The following ANKRD30B variants were observed in gnomAD, a reference collection of about 807,000 sequenced individuals.
The protein encoded by ANKRD30B is ankyrin repeat domain-containing protein 30B.
A neutral mutation model predicts 202.2 loss-of-function variants in ANKRD30B; 144 were observed. The ratio of observed to expected loss-of-function variants is 0.71; its 90% CI spans 0.62 to 0.82. The LOEUF is 0.82. Among genes scored for constraint, ANKRD30B ranks in the 40% least tolerant of loss-of-function variants. The probability of loss-of-function intolerance (pLI) is 0.00; values close to 1 mark genes in which losing one functional copy is unlikely to be tolerated. For synonymous variants in ANKRD30B, 508 were observed against 561.3 expected (o/e 0.91, Z 1.34); for missense variants, 1,487 against 1,669.1 (o/e 0.89, Z 1.90).
chr18:14,908,131 G>A, the ANKRD30B span, among the ~76,000 whole-genome samples: 2 of 152,182 alleles, frequency 1.3e-5, no homozygotes, highest in Non-Finnish European at 2.9e-5. Context: ...ATGGGAATAA[G>A]CAAAGAGGAG....
rs1383315969 is a variant in ANKRD30B at position 14,800,617 on chromosome 18, C to G, written c.2131+1322C>G. Among the ~76,000 whole-genome samples, 250 of 149,612 alleles carry G rather than the reference C, an allele frequency of 1.7e-3. 3 individuals carry two copies. Among genetic ancestry groups the G allele is most frequent in the African/African-American group, 6.0e-3 (239 of 40,088 alleles). On this transcript the variant is annotated intron_variant, in intron 22 of 43. Coordinates refer to ENST00000690538, the MANE Select transcript of ANKRD30B (RefSeq NM_001367607.2). The stretch of plus-strand genomic sequence containing the variant: ...GGGATTAGAGGCGTGAGCCACCGCG[C>G]CCGGCCCAGAGTCTTTTTACACTAG...
At chr18:14,776,567 A>G (rs1310295616) in intron 9 of ANKRD30B, among the ~76,000 whole-genome samples, 1 of 152,208 alleles carries the variant, frequency 6.6e-6, no homozygotes, top group Non-Finnish European at 1.5e-5. Flanking sequence ...ACAACTTAGA[A>G]TGACTAGCAT....
the ANKRD30B span, among the ~76,000 whole-genome samples, chr18:14,930,475 C>A: frequency 2.0e-5 from 3 of 152,046 alleles, no homozygotes; most frequent in Non-Finnish European, 2.9e-5. Flanking sequence ...GGACTCCATC[C>A]CTGTAAGAAA....
chr18:14,841,550 G>A (rs1394672171), intron 37 of ANKRD30B, among the ~76,000 whole-genome samples: 2 of 152,174 alleles, frequency 1.3e-5, no homozygotes, highest in East Asian at 1.9e-4. Flanking sequence ...TAAAGAAATA[G>A]TAATTACAGA....
At chr18:14,828,027 T>C (rs2081965491) in intron 32 of ANKRD30B, among the ~76,000 whole-genome samples, 1 of 152,046 alleles carries the variant, frequency 6.6e-6, no homozygotes, top group Non-Finnish European at 1.5e-5. Context: ...AGTGTCAGAG[T>C]ATTATGCTTT....
At chr18:14,912,467 C>G in the ANKRD30B span, among the ~76,000 whole-genome samples, 1 of 152,018 alleles carries the variant, frequency 6.6e-6, no homozygotes, top group South Asian at 2.1e-4. Flanking sequence ...GAGATAAATC[C>G]CACCTGATCA....
At chr18:14,920,596 C>T in the ANKRD30B span, among the ~76,000 whole-genome samples, 1 of 152,130 alleles carries the variant, frequency 6.6e-6, no homozygotes, top group African/African-American at 2.4e-5. Context: ...TCTGGGTGTC[C>T]CTGGATTTCC....
chr18:14,940,342 G>A, the ANKRD30B span, among the ~76,000 whole-genome samples: 2 of 152,234 alleles, frequency 1.3e-5, no homozygotes, highest in African/African-American at 4.8e-5. Flanking sequence ...CCTCACTGGA[G>A]CACAGCCAGT....
At chr18:14,805,915 T>C (rs1036749810) in intron 24 of ANKRD30B, among the ~76,000 whole-genome samples, 21 of 150,198 alleles carry the variant, frequency 1.4e-4, no homozygotes, top group Non-Finnish European at 1.5e-5. Flanking sequence ...GATTAGCTTG[T>C]TTTTCATTTA....
At chr18:14,909,240 T>C in the ANKRD30B span, among the ~76,000 whole-genome samples, 1 of 152,150 alleles carries the variant, frequency 6.6e-6, no homozygotes, top group Non-Finnish European at 1.5e-5. Context: ...GTTAAGGGTG[T>C]CCCTGTTTGA....
chr18:14,830,523 T>C (rs1224915638), intron 33 of ANKRD30B, among the ~76,000 whole-genome samples: 1 of 152,160 alleles, frequency 6.6e-6, no homozygotes, highest in African/African-American at 2.4e-5. Flanking sequence ...TTGTAGCGTT[T>C]TAGGGTGAAG....
the ANKRD30B span, among the ~76,000 whole-genome samples, chr18:14,874,244 T>A: frequency 6.6e-6 from 1 of 152,340 alleles, no homozygotes; most frequent in South Asian, 2.1e-4. Context: ...ACGCTCTTCC[T>A]TTTGGAGATT....
At chr18:14,819,151 A>G (rs1568044723) in intron 30 of ANKRD30B, among the ~76,000 whole-genome samples, 1 of 149,128 alleles carries the variant, frequency 6.7e-6, no homozygotes, top group Non-Finnish European at 1.5e-5. Flanking sequence ...TTGGCTGCAT[A>G]AATGTCTTCT....
At chr18:14,788,051 T>C (rs1968201471) in intron 15 of ANKRD30B, among the ~76,000 whole-genome samples, 1 of 152,246 alleles carries the variant, frequency 6.6e-6, no homozygotes, top group African/African-American at 2.4e-5. Context: ...AAGCAGCTTT[T>C]TCAGCATTCT....
At chr18:14,788,551 C>A (rs573893138) in intron 15 of ANKRD30B, among the ~76,000 whole-genome samples, 7 of 152,208 alleles carry the variant, frequency 4.6e-5, no homozygotes, top group South Asian at 2.1e-4. Flanking sequence ...CCGCTCCCCC[C>A]ACCCCACAAC....
the ANKRD30B span, among the ~76,000 whole-genome samples, chr18:14,916,235 C>T: frequency 6.6e-6 from 1 of 152,184 alleles, no homozygotes; most frequent in Admixed American, 6.5e-5. Context: ...CAGGTATCCT[C>T]TCCAGGAAGT....
Position 14,807,356 on chromosome 18 carries a change from C to T in ANKRD30B, c.2285-1195C>T, listed in dbSNP as rs1376976580. ...TTTTCATAACAGTGGTTTAACAACT[C>T]GCATGGTATAACAAATAGAATTAGT... On this transcript the variant is annotated intron_variant, in intron 24 of 43. Coordinates refer to ENST00000690538, the MANE Select transcript of ANKRD30B (RefSeq NM_001367607.2). 7.3e-5 allele frequency among the ~76,000 whole-genome samples: 11 copies of T among 150,740 alleles called. 1 individual carries two copies. The highest frequency in any genetic ancestry group is 2.4e-4 in the African/African-American group (10 of 40,830).
At chr18:14,775,917 C>T (rs1455478312) in intron 9 of ANKRD30B, among the ~76,000 whole-genome samples, 3 of 152,200 alleles carry the variant, frequency 2.0e-5, no homozygotes, top group Non-Finnish European at 4.4e-5. Context: ...AAATAGCGCT[C>T]ATATCTACCT....
chr18:14,910,484 A>AAAATAT, the ANKRD30B span, among the ~76,000 whole-genome samples: 1,074 of 147,646 alleles, frequency 7.3e-3, 8 homozygotes, highest in African/African-American at 0.025. Flanking sequence ...ACAATGTAAA[A>AAAATAT]ATATATATAT....
Sources: gnomAD v4.1 joint callset for allele counts (sites outside exome capture counted in the v4.1 genomes callset) on GRCh38, gnomAD v4.1.1 for gene constraint, MANE v1.5 for transcripts, NCBI Gene and HGNC (gene_info 2026-07-23, HGNC 2026-07-21) for gene names.